ASIC4: variants seen among roughly 807,000 people sequenced by gnomAD.
The protein encoded by ASIC4 is acid-sensing ion channel 4.
ASIC4 carries 28 observed loss-of-function variants against 53.4 expected under a neutral mutation model. That is an observed-to-expected ratio of 0.52 (90% CI 0.39 to 0.72). The LOEUF is 0.72. Ranked by LOEUF, ASIC4 falls within the 30% of genes least tolerant of loss-of-function variation. The probability of loss-of-function intolerance (pLI) is 0.00; values close to 1 mark genes in which losing one functional copy is unlikely to be tolerated. For synonymous variants in ASIC4, 289 were observed against 301.4 expected, an observed-to-expected ratio of 0.96 and a Z score of 0.43; for missense variants, 649 against 729.7, an observed-to-expected ratio of 0.89 and a Z score of 1.27.
intron 1 of ASIC4, among the ~76,000 whole-genome samples, chr2:219,525,373 G>A (rs917172737): frequency 1.1e-4 from 16 of 152,352 alleles, no homozygotes; most frequent in Middle Eastern, 3.4e-3. Context: ...CAGAGAAGTT[G>A]ATAAATCACT....
rs6726488 is a variant in ASIC4 at position 219,537,497 on chromosome 2, T to G, written c.1402-135T>G. 9.7e-7 allele frequency: 1 copy of G among 1,026,702 alleles called. No individual in the cohort carries two copies. 63.6% of individuals were successfully genotyped at this position (1,026,702 alleles called of 1,614,324 possible). ...CTCAGAGTCAGGAGAAGGGGATGGG[T>G]GAGGAGGAGGAGGGTGTCCTACTGG... On this transcript the variant is annotated intron_variant, in intron 8 of 9. Coordinates refer to ENST00000358078, the MANE Select transcript of ASIC4 (RefSeq NM_018674.6). The surrounding 1 kb of genome is among the most constrained non-coding windows in gnomAD (Gnocchi z 4.9).
At chr2:219,520,693 C>G (rs1427506204) in intron 1 of ASIC4, among the ~76,000 whole-genome samples, 1 of 152,248 alleles carries the variant, frequency 6.6e-6, no homozygotes, top group Non-Finnish European at 1.5e-5. Context: ...GTCCAGCCCT[C>G]TGTTCCCTGT....
chr2:219,513,963 A>G (rs1694734996), upstream of ASIC4, among the ~76,000 whole-genome samples: 3 of 152,154 alleles, frequency 2.0e-5, no homozygotes, highest in Admixed American at 2.0e-4. Flanking sequence ...GGCTCTCTCA[A>G]GGAGTTTCTG....
intron 4 of ASIC4, 125 bp from the exon 5 acceptor site, chr2:219,532,758 G>A: frequency 1.0e-6 from 1 of 984,102 alleles, no homozygotes; most frequent in Non-Finnish European, 1.5e-6. Flanking sequence ...TGTGTGTGTG[G>A]TGTTCAAGCA....
chr2:219,517,784 G>A lies in ASIC4; in HGVS notation c.582+2478G>A, dbSNP rs1158008221. ...GGGTCTATGGTGGGGAGATGGGTATGTGAGCTGGTTGGTGGGGAGCCTGCC... is the reference window on the plus strand; with the variant it reads ...GGGTCTATGGTGGGGAGATGGGTATATGAGCTGGTTGGTGGGGAGCCTGCC... On this transcript the variant is annotated intron_variant, in intron 1 of 9. Coordinates refer to ENST00000358078, the MANE Select transcript of ASIC4 (RefSeq NM_018674.6). The surrounding 1 kb of genome is among the most constrained non-coding windows in gnomAD (Gnocchi z 4.2). Among the ~76,000 whole-genome samples, 1 of 152,140 alleles carries A rather than the reference G, an allele frequency of 6.6e-6. No individual in the cohort carries two copies. The highest frequency in any genetic ancestry group is 2.4e-5 in the African/African-American group (1 of 41,416).
intron 1 of ASIC4, among the ~76,000 whole-genome samples, chr2:219,523,202 GACTT>G (rs1171128103): frequency 2.0e-5 from 3 of 152,236 alleles, no homozygotes; most frequent in Non-Finnish European, 4.4e-5. Context: ...GTCAGGGAAG[GACTT>G]ACTTACCAAT....
upstream of ASIC4, chr2:219,514,288 G>A (rs761121744): frequency 1.4e-5 from 20 of 1,475,990 alleles, no homozygotes; most frequent in Non-Finnish European, 1.7e-5. Flanking sequence ...CGTGCTGCCG[G>A]TGAAACGCTG....
chr2:219,511,155 A>G (rs925371937), upstream of ASIC4, among the ~76,000 whole-genome samples: 2 of 152,054 alleles, frequency 1.3e-5, no homozygotes, highest in African/African-American at 4.8e-5. The surrounding 1 kb of genome is among the most constrained non-coding windows in gnomAD (Gnocchi z 5.3). Flanking sequence ...GCTGTCTAGG[A>G]GTTCAGGGGG....
upstream of ASIC4, among the ~76,000 whole-genome samples, chr2:219,513,501 A>T (rs1694728334): frequency 6.6e-6 from 1 of 151,786 alleles, no homozygotes; most frequent in Admixed American, 6.6e-5. Flanking sequence ...TTAGGAGAGC[A>T]TTCGCTCCCA....
upstream of ASIC4, chr2:219,514,472 G>A: frequency 3.2e-6 from 5 of 1,550,570 alleles, no homozygotes; most frequent in Non-Finnish European, 4.4e-6. Flanking sequence ...GAAGCCACAA[G>A]GAGACGATCG....
chr2:219,534,716 G>C (rs556554610), intron 5 of ASIC4, among the ~76,000 whole-genome samples: 16 of 152,276 alleles, frequency 1.1e-4, no homozygotes, highest in Admixed American at 3.3e-4. Flanking sequence ...TGGGAAGCTT[G>C]TCGGTCTATT....
chr2:219,530,314 G>C (rs1025061323), intron 1 of ASIC4, among the ~76,000 whole-genome samples: 1 of 152,260 alleles, frequency 6.6e-6, no homozygotes, highest in South Asian at 2.1e-4. Flanking sequence ...ATCCCCAGCG[G>C]GAGCCTGGGC....
Position 219,538,173 on chromosome 2 carries a change from C to A in ASIC4, c.*127C>A. On this transcript the variant is annotated 3_prime_UTR_variant, in exon 10 of 10. Transcript: ENST00000358078. Reference sequence around the variant, plus strand: ...GGAGGGCCAGGACTCAGTTCCTGCTCTCATCCTCCCCTGCCCTGATGTCAG... The same window carrying A: ...GGAGGGCCAGGACTCAGTTCCTGCTATCATCCTCCCCTGCCCTGATGTCAG... 1 of 781,886 alleles carries A rather than the reference C, an allele frequency of 1.3e-6. No homozygotes were observed. Among genetic ancestry groups the A allele is most frequent in the Non-Finnish European group, 2.2e-6 (1 of 460,516 alleles). The allele number at this position is 781,886 out of a possible 1,614,324, so 48.4% of individuals were successfully genotyped here. A position where few individuals can be genotyped will look rare whatever the true frequency, so the allele number is the denominator to read the frequency against.
At chr2:219,519,885 T>C (rs1230257927) in intron 1 of ASIC4, among the ~76,000 whole-genome samples, 1 of 151,598 alleles carries the variant, frequency 6.6e-6, no homozygotes, top group African/African-American at 2.4e-5. Context: ...AGGGCCTGTG[T>C]CTGGGGGCTG....
At position 219,521,744 on chromosome 2, in the gene ASIC4, C is replaced by T. The variant is rs1205094174; in HGVS notation, c.582+6438C>T. ...CTCTGAGTTATAAGTTATAAGTATT[C>T]CTGAGTTATAAGTATTCCTTGCCCT... On this transcript the variant is annotated intron_variant, in intron 1 of 9. Coordinates refer to ENST00000358078, the MANE Select transcript of ASIC4 (RefSeq NM_018674.6). Among the ~76,000 whole-genome samples the T allele has an allele frequency of 7.1e-5, 3 of 42,224 alleles. No individual in the cohort carries two copies. The East Asian group carries it at 1.2e-3, about 16-fold the overall frequency. The allele number at this position is 42,224 out of a possible 152,430, so 27.7% of individuals were successfully genotyped here.
intron 1 of ASIC4, among the ~76,000 whole-genome samples, chr2:219,523,687 C>T (rs751952717): frequency 6.6e-6 from 1 of 152,188 alleles, no homozygotes; most frequent in Non-Finnish European, 1.5e-5. Flanking sequence ...CCTGTTCCAC[C>T]GTGGTGACCT....
At chr2:219,525,927 C>T (rs563714662) in intron 1 of ASIC4, among the ~76,000 whole-genome samples, 27 of 152,300 alleles carry the variant, frequency 1.8e-4, no homozygotes, top group African/African-American at 6.0e-4. Context: ...GGGGAAGTGC[C>T]GGGACCAGAG....
chr2:219,537,050 C>A lies in ASIC4; in HGVS notation c.1230-16C>A. The A allele has an allele frequency of 6.2e-7, 1 of 1,611,972 alleles. No individual in the cohort carries two copies. Among genetic ancestry groups the A allele is most frequent in the Non-Finnish European group, 8.5e-7 (1 of 1,178,258 alleles). ...AAGAGAGGCCCACACGGATACCCTG[C>A]TTCCTGTCTCCACAGGGAGAACTTC... On this transcript the variant is annotated splice_polypyrimidine_tract_variant and intron_variant, in intron 6 of 9. Coordinates refer to ENST00000358078, the MANE Select transcript of ASIC4 (RefSeq NM_018674.6). This position sits in a 1 kb window ranked among gnomAD's most constrained non-coding sequence, Gnocchi z 4.9.
rs752299281 is a variant in ASIC4, at chr2:219,531,796, G to C, written c.621G>C (p.Ala207=). The change falls in exon 2 of 10, where the codon GCG becomes GCC. Residue 207 remains alanine, a synonymous_variant. Transcript: ENST00000358078. The part of the protein sequence containing the change: ...TRYGKCYTFN[A]DPRSSLPSRA... ...ATGGGAAGTGTTACACCTTCAACGC[G>C]GACCCGCGGAGCTCGCTGCCCAGCC... 5.0e-6 allele frequency: 8 copies of C among 1,612,734 alleles called. No individual in the cohort carries two copies. The African/African-American group carries it at 6.7e-5, about 13-fold the overall frequency.
Sources: gnomAD v4.1 joint callset for allele counts (sites outside exome capture counted in the v4.1 genomes callset) on GRCh38, gnomAD v4.1.1 for gene constraint, Gnocchi (gnomAD v3.1) non-coding constraint, MANE v1.5 for transcripts, NCBI Gene and HGNC (gene_info 2026-07-23, HGNC 2026-07-21) for gene names.